FGFR2: variants seen among roughly 807,000 people sequenced by gnomAD.
The protein encoded by FGFR2 is fibroblast growth factor receptor 2.
In FGFR2, 19 loss-of-function variants were observed where a neutral mutation model predicts 95.9. The observed-to-expected ratio is 0.20, with a 90% CI of 0.14 to 0.29. The LOEUF (loss-of-function observed/expected upper bound fraction) is 0.29. Ranked by LOEUF, FGFR2 falls within the 10% of genes least tolerant of loss-of-function variation. FGFR2 has a pLI of 1.00. For synonymous variants in FGFR2, 392 were observed against 393.3 expected, an observed-to-expected ratio of 1.00 and a Z score of 0.04; for missense variants, 707 against 1,056.9, an observed-to-expected ratio of 0.67 and a Z score of 4.59.
intron 6 of FGFR2, among the ~76,000 whole-genome samples, chr10:121,524,649 G>A (rs1851082677): frequency 1.3e-5 from 2 of 152,220 alleles, no homozygotes; most frequent in African/African-American, 4.8e-5. Flanking sequence ...ACAGTAAGTG[G>A]ATGACAGCGC....
chr10:121,517,480 G>A lies in FGFR2; in HGVS notation c.940-17C>T, dbSNP rs1240699389. On this transcript the variant is annotated splice_polypyrimidine_tract_variant and intron_variant, in intron 7 of 17. Transcript: ENST00000358487. This position sits in a 1 kb window ranked among gnomAD's most constrained non-coding sequence, Gnocchi z 4.7. ...ACCGGCGGCCTAGAAAACAAGGGAA[G>A]CAAAAGAAAAGGCTAGACGACACAG... The A allele has an allele frequency of 6.2e-7, 1 of 1,614,002 alleles. No homozygotes were observed. The highest frequency in any genetic ancestry group is 8.5e-7 in the Non-Finnish European group (1 of 1,180,024).
intron 5 of FGFR2, among the ~76,000 whole-genome samples, chr10:121,539,795 T>C (rs995028474): frequency 1.5e-4 from 23 of 152,194 alleles, no homozygotes; most frequent in South Asian, 2.1e-4. Flanking sequence ...AAAAAACAAA[T>C]ACAGGCAGAG....
chr10:121,492,763 G>A (rs749373595), intron 13 of FGFR2, among the ~76,000 whole-genome samples: 2 of 152,162 alleles, frequency 1.3e-5, no homozygotes, highest in East Asian at 1.9e-4. Flanking sequence ...TTAACTGCAG[G>A]TGGCCTCCAG....
intron 2 of FGFR2, among the ~76,000 whole-genome samples, chr10:121,580,916 CG>C (rs1421967835): frequency 9.4e-6 from 1 of 106,890 alleles, no homozygotes; most frequent in Non-Finnish European, 2.3e-5. Context: ...AAGGGCTGTG[CG>C]CCGGCTCCCA....
chr10:121,565,998 A>C, intron 2 of FGFR2: 2 of 505,884 alleles, frequency 4.0e-6, no homozygotes, highest in Non-Finnish European at 7.2e-6. Context: ...AAAATGTTTA[A>C]ATTGATTGCC....
Position 121,518,253 on chromosome 10 carries a change from G to A in FGFR2, c.940-790C>T, listed in dbSNP as rs1471693505. Among the ~76,000 whole-genome samples, 1 of 152,164 alleles carries A rather than the reference G, an allele frequency of 6.6e-6. No individual in the cohort carries two copies. Among genetic ancestry groups the A allele is most frequent in the Non-Finnish European group, 1.5e-5 (1 of 68,042 alleles). ...CATGCAACCAAAGAAATGATGCTTT[G>A]TTGAACAAATTGCATCTTGCCAATA... On this transcript the variant is annotated intron_variant, in intron 7 of 17. Transcript: ENST00000358487. The surrounding 1 kb of genome is among the most constrained non-coding windows in gnomAD (Gnocchi z 4.0).
chr10:121,586,396 C>T (rs756224595), intron 2 of FGFR2, among the ~76,000 whole-genome samples: 59 of 152,152 alleles, frequency 3.9e-4, no homozygotes, highest in Non-Finnish European at 7.8e-4. Context: ...GTGTGCATTC[C>T]ATTCTGAAAT....
intron 2 of FGFR2, among the ~76,000 whole-genome samples, chr10:121,586,840 G>C (rs1321873645): frequency 6.6e-6 from 1 of 152,188 alleles, no homozygotes; most frequent in Non-Finnish European, 1.5e-5. Context: ...ATTACAGAAG[G>C]AGACATCTTC....
chr10:121,510,404 G>T (rs1455202419), intron 9 of FGFR2, among the ~76,000 whole-genome samples: 2 of 152,170 alleles, frequency 1.3e-5, no homozygotes, highest in African/African-American at 4.8e-5. Context: ...GGAGGATGAG[G>T]TGCCCACATG....
At chr10:121,552,035 CTG>C (rs1211670211) in intron 4 of FGFR2, among the ~76,000 whole-genome samples, 1 of 147,292 alleles carries the variant, frequency 6.8e-6, no homozygotes, top group African/African-American at 2.5e-5. Context: ...AAAAAAAAAA[CTG>C]TATCACTAAA....
At chr10:121,480,269 C>A in intron 17 of FGFR2, 1 of 563,820 alleles carries the variant, frequency 1.8e-6, no homozygotes, top group East Asian at 3.1e-5. Flanking sequence ...CTGATGTACC[C>A]CAGGCTGTCC....
intron 6 of FGFR2, among the ~76,000 whole-genome samples, chr10:121,523,432 T>C (rs536233174): frequency 2.0e-5 from 3 of 152,290 alleles, no homozygotes; most frequent in African/African-American, 7.2e-5. Flanking sequence ...GACCGAGGTC[T>C]GATTTAATCC....
chr10:121,519,598 C>A lies in FGFR2; in HGVS notation c.939+381G>T, dbSNP rs563368031. ...ACACTGGCACAATGCCTTGAGCCTA[C>A]AAAGCTCTTTCCATCCACTCCATCC... On this transcript the variant is annotated intron_variant, in intron 7 of 17. Transcript: ENST00000358487. Among the ~76,000 whole-genome samples, 6 of 152,322 alleles carry A rather than the reference C, an allele frequency of 3.9e-5. No individual in the cohort carries two copies. The East Asian group carries it at 7.7e-4, about 20-fold the overall frequency.
chr10:121,569,388 C>CT (rs1397378190), intron 2 of FGFR2, among the ~76,000 whole-genome samples: 1 of 151,966 alleles, frequency 6.6e-6, no homozygotes, highest in East Asian at 1.9e-4. Context: ...ACCCAGCTAA[C>CT]TTTTTTGTAT....
rs1284105776 is a variant in FGFR2, at chr10:121,517,237, T to C, written c.1084+82A>G. On this transcript the variant is annotated intron_variant, in intron 8 of 17. Coordinates refer to ENST00000358487, the MANE Select transcript of FGFR2 (RefSeq NM_000141.5). The surrounding 1 kb of genome is among the most constrained non-coding windows in gnomAD (Gnocchi z 4.7). The stretch of plus-strand genomic sequence containing the variant: ...TTATGCAAGGATAAAAGGGGCCATT[T>C]CTGATAACAGAAGCTGTGTTAATTT... The C allele has an allele frequency of 6.2e-6, 9 of 1,462,758 alleles. No homozygotes were observed. Among genetic ancestry groups the C allele is most frequent in the African/African-American group, 1.4e-5 (1 of 71,792 alleles). 90.6% of individuals were successfully genotyped at this position (1,462,758 alleles called of 1,614,324 possible).
chr10:121,537,097 T>C (rs983076536), intron 6 of FGFR2, among the ~76,000 whole-genome samples: 3 of 152,214 alleles, frequency 2.0e-5, no homozygotes, highest in African/African-American at 7.2e-5. Context: ...TTTTGTAAAA[T>C]ATCTGAACAT....
chr10:121,490,517 T>C (rs1845996242), intron 13 of FGFR2, among the ~76,000 whole-genome samples: 1 of 152,194 alleles, frequency 6.6e-6, no homozygotes, highest in African/African-American at 2.4e-5. Flanking sequence ...TGCATTTTTG[T>C]TACACTTTCA....
rs2135087497 is a variant in FGFR2 at position 121,564,518 on chromosome 10, C to G, written c.438G>C (p.Glu146Asp). ...DTDGAEDFVS[E>D]NSNNKRAPYW... The stretch of plus-strand genomic sequence containing the variant: ...GTTACTTACTCTTGTTGTTACTGTT[C>G]TCACTGACAAAATCTTCCGCACCAT... Residue 146 changes from glutamate (E) to aspartate (D), a missense_variant, in exon 4 of 18, where the codon GAG becomes GAC. Glu to Asp is a conservative substitution (Grantham distance 45). Coordinates refer to ENST00000358487, the MANE Select transcript of FGFR2 (RefSeq NM_000141.5). The G allele has an allele frequency of 6.2e-7, 1 of 1,613,986 alleles. No homozygotes were observed. The highest frequency in any genetic ancestry group is 8.5e-7 in the Non-Finnish European group (1 of 1,179,976).
chr10:121,590,754 G>C (rs958041459), intron 2 of FGFR2, among the ~76,000 whole-genome samples: 3 of 152,156 alleles, frequency 2.0e-5, no homozygotes, highest in African/African-American at 7.2e-5. Flanking sequence ...GGACCCTCTA[G>C]TGTTAGGGCC....
Sources: allele counts gnomAD v4.1 joint callset (sites outside exome capture counted in the v4.1 genomes callset), GRCh38; gene constraint gnomAD v4.1.1; non-coding constraint Gnocchi (gnomAD v3.1); transcripts MANE v1.5; gene names NCBI Gene and HGNC (gene_info 2026-07-23, HGNC 2026-07-21).